The following NOL7 variants were observed in gnomAD, a reference collection of about 807,000 sequenced individuals.
NOL7 encodes the protein U3 small nucleolar RNA-associated protein NOL7.
A neutral mutation model predicts 38.4 loss-of-function variants in NOL7; 36 were observed. That is an observed-to-expected ratio of 0.94 (90% CI 0.72 to 1.24). The LOEUF is 1.24. NOL7 is among the 50% of genes most tolerant of loss of function. NOL7 has a pLI of 0.00. For missense variants in NOL7, 350 were observed against 315.1 expected (o/e 1.11, Z -0.84); for synonymous variants, 142 against 126.5 (o/e 1.12, Z -0.82).
intron 8 of NOL7, among the ~76,000 whole-genome samples, chr6:13,627,035 T>C (rs1012462560): frequency 3.3e-5 from 5 of 152,232 alleles, no homozygotes; most frequent in African/African-American, 1.2e-4. Flanking sequence ...CATTGTTTTA[T>C]ATTGCTGAGT....
At chr6:13,631,936 T>C (rs919750735) in intron 8 of NOL7, among the ~76,000 whole-genome samples, 25 of 152,128 alleles carry the variant, frequency 1.6e-4, no homozygotes, top group African/African-American at 5.8e-4. Flanking sequence ...CCATGTGTTA[T>C]ACATCCAAAA....
chr6:13,624,792 C>CT (rs1764553455), downstream of NOL7, among the ~76,000 whole-genome samples: 1 of 152,200 alleles, frequency 6.6e-6, no homozygotes, highest in Admixed American at 6.5e-5. Context: ...CTCACCCACC[C>CT]TTTTTATTGG....
At chr6:13,628,395 TGAGA>T (rs1027007998) in intron 8 of NOL7, among the ~76,000 whole-genome samples, 3 of 152,052 alleles carry the variant, frequency 2.0e-5, no homozygotes, top group Non-Finnish European at 4.4e-5. Flanking sequence ...AAACTCAGGC[TGAGA>T]GAAAGGAGAA....
At chr6:13,628,123 A>G (rs980820948) in intron 8 of NOL7, among the ~76,000 whole-genome samples, 2 of 151,308 alleles carry the variant, frequency 1.3e-5, no homozygotes, top group African/African-American at 4.9e-5. Context: ...ATAATCATCT[A>G]AAGTTGTTAT....
chr6:13,618,758 G>C (rs542200778), intron 5 of NOL7, among the ~76,000 whole-genome samples: 3 of 152,242 alleles, frequency 2.0e-5, no homozygotes, highest in African/African-American at 7.2e-5. Context: ...GGGCGTGCTG[G>C]TGTGCACCTG....
intron 3 of NOL7, among the ~76,000 whole-genome samples, chr6:13,617,253 C>G (rs892294753): frequency 1.3e-5 from 2 of 150,886 alleles, no homozygotes; most frequent in African/African-American, 5.0e-5. Context: ...TTGCCCCCCC[C>G]CACCTCCCAT....
chr6:13,620,159 G>A (rs1372102512), intron 5 of NOL7, 49 bp from the exon 6 acceptor site: 20 of 1,554,494 alleles, frequency 1.3e-5, no homozygotes, highest in Middle Eastern at 1.7e-4. Context: ...AAAAAAAAAA[G>A]AAAGTAAGCA....
At chr6:13,627,065 T>C (rs995247308) in intron 8 of NOL7, among the ~76,000 whole-genome samples, 5 of 152,212 alleles carry the variant, frequency 3.3e-5, no homozygotes, top group African/African-American at 1.2e-4. Flanking sequence ...TGGGTAGTTT[T>C]CTCCTCCAAT....
intron 2 of NOL7, 57 bp from the exon 3 acceptor site, chr6:13,616,406 T>C: frequency 7.8e-7 from 1 of 1,279,324 alleles, no homozygotes; most frequent in Non-Finnish European, 1.1e-6. Flanking sequence ...CAGAAGCAAC[T>C]CCGGACATAC....
At chr6:13,617,822 C>G (rs771634763) in intron 4 of NOL7, 21 bp downstream of exon 4, 5 of 1,607,144 alleles carry the variant, frequency 3.1e-6, no homozygotes, top group Admixed American at 1.7e-5. Context: ...TCTAATTTAA[C>G]TAACTTCTCA....
chr6:13,615,435 C>T lies in NOL7; in HGVS notation c.77C>T (p.Ser26Leu), dbSNP rs1764248179. 6.5e-7 allele frequency: 1 copy of T among 1,548,702 alleles called. No individual in the cohort carries two copies. The highest frequency in any genetic ancestry group is 8.7e-7 in the Non-Finnish European group (1 of 1,146,368). Residue 26 changes from serine (S) to leucine (L), a missense_variant, in exon 1 of 8, where the codon TCG becomes TTG. Physicochemically the swap from Ser to Leu is moderately radical, Grantham distance 145. Coordinates refer to ENST00000451315, the MANE Select transcript of NOL7 (RefSeq NM_016167.5). ...EAMVDEGQLA[S>L]EEEEAEHGLL... is the part of the protein sequence containing the mutation. ...ATGGTGGACGAGGGCCAGCTGGCCT[C>T]GGAGGAGGAGGAGGCGGAGCACGGG...
chr6:13,624,343 T>C (rs537519668), downstream of NOL7, among the ~76,000 whole-genome samples: 1 of 152,286 alleles, frequency 6.6e-6, no homozygotes, highest in Admixed American at 6.5e-5. Flanking sequence ...TCTAAACTAC[T>C]CTTTAATCTA....
At chr6:13,622,765 T>C (rs1015532661), downstream of NOL7, among the ~76,000 whole-genome samples, 1 of 152,164 alleles carries the variant, frequency 6.6e-6, no homozygotes, top group Admixed American at 6.5e-5. Flanking sequence ...CCATATTAAC[T>C]ATGATGGGAA....
At chr6:13,622,652 T>A (rs1310793751), downstream of NOL7, among the ~76,000 whole-genome samples, 1 of 152,206 alleles carries the variant, frequency 6.6e-6, no homozygotes, top group Non-Finnish European at 1.5e-5. Flanking sequence ...AGATGCCGCC[T>A]TGGACATACT....
downstream of NOL7, chr6:13,622,052 A>C: frequency 6.0e-6 from 1 of 165,958 alleles, no homozygotes; most frequent in Non-Finnish European, 1.3e-5. Flanking sequence ...CCTCCCCCAC[A>C]AAGAAGGCAG....
chr6:13,620,365 C>A (rs751112006), intron 6 of NOL7, 36 bp downstream of exon 6: 2 of 1,613,566 alleles, frequency 1.2e-6, no homozygotes, highest in African/African-American at 2.7e-5. Flanking sequence ...TCACTTTTTA[C>A]TGCAAATAAA....
downstream of NOL7, among the ~76,000 whole-genome samples, chr6:13,623,019 G>C (rs564701889): frequency 1.3e-5 from 2 of 152,248 alleles, no homozygotes; most frequent in East Asian, 3.9e-4. Context: ...GACAGTGAGA[G>C]AACATACAGC....
At chr6:13,626,633 A>G (rs1764613283), downstream of NOL7, among the ~76,000 whole-genome samples, 1 of 152,240 alleles carries the variant, frequency 6.6e-6, no homozygotes, top group Non-Finnish European at 1.5e-5. Context: ...TACAAATATA[A>G]AAATAGAGAA....
At chr6:13,632,454 G>T in exon 9 of NOL7, 1 of 1,613,922 alleles carries the variant, frequency 6.2e-7, no homozygotes, top group Middle Eastern at 1.7e-4. Flanking sequence ...GTCCAAAGTG[G>T]ATCATTCTTT....
Sources: allele counts gnomAD v4.1 joint callset (sites outside exome capture counted in the v4.1 genomes callset), GRCh38; gene constraint gnomAD v4.1.1; transcripts MANE v1.5; gene names NCBI Gene and HGNC (gene_info 2026-07-23, HGNC 2026-07-21).